Variants in VPS50 observed in about 807,000 individuals in gnomAD.
VPS50 encodes syndetin.
A neutral mutation model predicts 139.7 loss-of-function variants in VPS50; 70 were observed. That is an observed-to-expected ratio of 0.50 (90% CI 0.41 to 0.61). VPS50 has a LOEUF of 0.61. Among genes scored for constraint, VPS50 ranks in the 20% least tolerant of loss-of-function variants. The probability of loss-of-function intolerance (pLI) is 0.00; values close to 1 mark genes in which losing one functional copy is unlikely to be tolerated. For synonymous variants in VPS50, 365 were observed against 376.7 expected (o/e 0.97, Z 0.36); for missense variants, 921 against 1,133.7 (o/e 0.81, Z 2.69).
In VPS50 at chr7:93,258,227, G is replaced by T; in HGVS notation, c.491G>T (p.Arg164Leu). Residue 164 changes from arginine (R) to leucine (L), a missense_variant, in exon 7 of 28, where the codon CGT becomes CTT. Transcript: ENST00000305866. ...GGCCTTCTTGCAAATCAAAGGAAAC[G>T]TCAGTTGCTGATTGGACTTCTGAAA... ...SLGLLANQRK[R>L]QLLIGLLKSL... is the part of the protein sequence containing the mutation. 1 of 1,601,394 alleles carries T rather than the reference G, an allele frequency of 6.2e-7. No individual in the cohort carries two copies. Among genetic ancestry groups the T allele is most frequent in the Non-Finnish European group, 8.6e-7 (1 of 1,168,730 alleles).
At position 93,334,135 on chromosome 7, in the gene VPS50, G is replaced by A. The variant is rs748196364; in HGVS notation, c.1996G>A (p.Gly666Ser). The A allele has an allele frequency of 1.3e-5, 21 of 1,595,324 alleles. No homozygotes were observed. Among genetic ancestry groups the A allele is most frequent in the Admixed American group, 3.4e-5 (2 of 58,432 alleles). The part of the protein sequence containing the change: ...RNDSLESTGL[G>S]LSSSRLRTTL... ...TTTTCAGTTGGAATCAACTGGACTC[G>A]GCCTTAGTAGTAGTAGACTAAGAAC... Residue 666 changes from glycine (G) to serine (S), a missense_variant, in exon 22 of 28, where the codon GGC (glycine) becomes AGC (serine). Physicochemically the swap from Gly to Ser is moderately conservative, Grantham distance 56 (BLOSUM62 0). Coordinates refer to ENST00000305866, the MANE Select transcript of VPS50 (RefSeq NM_017667.4).
At chr7:93,343,097 C>A (rs1018000309) in intron 23 of VPS50, among the ~76,000 whole-genome samples, 7 of 152,132 alleles carry the variant, frequency 4.6e-5, no homozygotes, top group East Asian at 3.9e-4. Flanking sequence ...AAAATTTAGA[C>A]GAATGTATAA....
chr7:93,311,944 A>G (rs1436724598), intron 20 of VPS50, among the ~76,000 whole-genome samples: 1 of 152,106 alleles, frequency 6.6e-6, no homozygotes, highest in African/African-American at 2.4e-5. Context: ...ATTAAACTTC[A>G]TTGTTCCAAG....
intron 1 of VPS50, among the ~76,000 whole-genome samples, chr7:93,235,667 G>T (rs1157539263): frequency 6.6e-6 from 1 of 152,188 alleles, no homozygotes; most frequent in Non-Finnish European, 1.5e-5. Context: ...CTAGCAATTG[G>T]AAGAATGTAA....
At chr7:93,326,784 A>T (rs552855465) in intron 21 of VPS50, among the ~76,000 whole-genome samples, 3 of 152,108 alleles carry the variant, frequency 2.0e-5, no homozygotes, top group African/African-American at 4.8e-5. Flanking sequence ...CTTATGTTTC[A>T]TATCTTTTTA....
At chr7:93,292,086 A>T (rs1434850206) in intron 13 of VPS50, among the ~76,000 whole-genome samples, 1 of 152,114 alleles carries the variant, frequency 6.6e-6, no homozygotes, top group African/African-American at 2.4e-5. Flanking sequence ...TGATGGCTTT[A>T]GGACTGAATT....
intron 12 of VPS50, among the ~76,000 whole-genome samples, chr7:93,290,856 G>A (rs1796629347): frequency 6.6e-6 from 1 of 152,004 alleles, no homozygotes. Context: ...GTGACATCAT[G>A]AGCATCAACC....
At chr7:93,256,702 T>C (rs1027831723) in intron 5 of VPS50, 140 bp downstream of exon 5, 4 of 504,942 alleles carry the variant, frequency 7.9e-6, no homozygotes, top group African/African-American at 2.0e-5. Context: ...TTTGTGTATA[T>C]GTATGTATGT....
chr7:93,264,828 AT>A (rs1795792767), intron 9 of VPS50, among the ~76,000 whole-genome samples: 1 of 152,112 alleles, frequency 6.6e-6, no homozygotes, highest in Non-Finnish European at 1.5e-5. Flanking sequence ...ATGTTTGAAC[AT>A]TGATTGTTTC....
intron 3 of VPS50, among the ~76,000 whole-genome samples, chr7:93,253,449 TGTTTTGAGTTCTATCA>T (rs1190482660): frequency 2.6e-5 from 4 of 152,230 alleles, no homozygotes; most frequent in African/African-American, 9.6e-5. Flanking sequence ...AGGAGAAATC[TGTTTTGAGTTCTATCA>T]TAAACAAATA....
At chr7:93,350,223 G>C (rs1014169069) in intron 25 of VPS50, among the ~76,000 whole-genome samples, 190 bp downstream of exon 25, 3 of 152,152 alleles carry the variant, frequency 2.0e-5, no homozygotes, top group African/African-American at 4.8e-5. Context: ...ATACGTCGTA[G>C]ATTTTTTAGC....
At position 93,259,640 on chromosome 7, in the gene VPS50, CATGTAA is replaced by C. The variant is rs762121374; in HGVS notation, c.659+13_659+18del. On this transcript the variant is annotated intron_variant, in intron 9 of 27. Transcript: ENST00000305866. The stretch of plus-strand genomic sequence containing the variant: ...ACATTACAGTTGTATAAGGTAAGGT[CATGTAA>C]ATGTTTTAAAGCAGATTCTGTTGTC... 3.4e-6 allele frequency: 5 copies of C among 1,490,558 alleles called. No homozygotes were observed. In the African/African-American group the frequency reaches 6.9e-5, roughly 21 times the overall value. 92.3% of individuals were successfully genotyped at this position (1,490,558 alleles called of 1,614,324 possible). A position where few individuals can be genotyped will look rare whatever the true frequency, so the allele number is the denominator to read the frequency against.
chr7:93,257,558 G>A, intron 6 of VPS50, 94 bp downstream of exon 6: 1 of 692,268 alleles, frequency 1.4e-6, no homozygotes, highest in Non-Finnish European at 2.4e-6. Context: ...TTTAAATTAT[G>A]GATGTGGTTT....
chr7:93,315,253 T>C (rs1395077715), intron 20 of VPS50, among the ~76,000 whole-genome samples: 6 of 152,198 alleles, frequency 3.9e-5, no homozygotes, highest in African/African-American at 1.2e-4. Flanking sequence ...TCATTCTTTT[T>C]TCCTATTGTA....
chr7:93,237,599 A>G (rs199724215), intron 1 of VPS50, among the ~76,000 whole-genome samples: 1 of 152,196 alleles, frequency 6.6e-6, no homozygotes, highest in Non-Finnish European at 1.5e-5. Flanking sequence ...TAAATATGAT[A>G]TATTTCTTCA....
intron 23 of VPS50, 34 bp downstream of exon 23, chr7:93,341,609 A>G: frequency 6.8e-7 from 1 of 1,481,026 alleles, no homozygotes. Flanking sequence ...TTGCCATTAA[A>G]TATTTAAGAA....
intron 27 of VPS50, among the ~76,000 whole-genome samples, chr7:93,357,418 G>T (rs967209132): frequency 1.3e-5 from 2 of 152,140 alleles, no homozygotes; most frequent in African/African-American, 4.8e-5. Context: ...TTCCCACAAT[G>T]ATGAGTCCAG....
chr7:93,334,464 C>A (rs1192065190), intron 22 of VPS50, among the ~76,000 whole-genome samples: 1 of 152,026 alleles, frequency 6.6e-6, no homozygotes, highest in South Asian at 2.1e-4. Flanking sequence ...CAGAGGAGGA[C>A]TAAAGGAAGA....
chr7:93,293,711 T>A (rs1269930171), intron 13 of VPS50, among the ~76,000 whole-genome samples: 1 of 152,204 alleles, frequency 6.6e-6, no homozygotes, highest in Admixed American at 6.5e-5. Flanking sequence ...TTTAACGTTC[T>A]AAGGTAAAGC....
Sources: gnomAD v4.1 joint callset for allele counts (sites outside exome capture counted in the v4.1 genomes callset) on GRCh38, gnomAD v4.1.1 for gene constraint, MANE v1.5 for transcripts, NCBI Gene and HGNC (gene_info 2026-07-23, HGNC 2026-07-21) for gene names.